The following MTMR9 variants were observed in gnomAD, a reference collection of about 807,000 sequenced individuals.
The protein encoded by MTMR9 is myotubularin-related protein 9.
A neutral mutation model predicts 69.5 loss-of-function variants in MTMR9; 39 were observed. The ratio of observed to expected loss-of-function variants is 0.56; its 90% CI spans 0.43 to 0.73. The LOEUF (loss-of-function observed/expected upper bound fraction) is 0.73, where lower values mean the gene tolerates loss of function less well. Ranked by LOEUF, MTMR9 falls within the 30% of genes least tolerant of loss-of-function variation. The pLI, the probability that MTMR9 is intolerant of heterozygous loss-of-function variation, is 0.00. For missense variants in MTMR9, 900 were observed against 671.2 expected, an observed-to-expected ratio of 1.34 and a Z score of -3.77; for synonymous variants, 354 against 240.8, an observed-to-expected ratio of 1.47 and a Z score of -4.35.
chr8:11,305,230 G>A (rs778761948), intron 4 of MTMR9, among the ~76,000 whole-genome samples: 11 of 152,244 alleles, frequency 7.2e-5, no homozygotes, highest in Non-Finnish European at 1.6e-4. Flanking sequence ...CTGCTCAGCC[G>A]TATAAAAGCC....
chr8:11,306,199 C>T lies in MTMR9; in HGVS notation c.601C>T (p.Arg201Ter), dbSNP rs1429114187. 1.9e-6 allele frequency: 3 copies of T among 1,612,568 alleles called. No individual in the cohort carries two copies. Among genetic ancestry groups the T allele is most frequent in the Non-Finnish European group, 1.7e-6 (2 of 1,179,772 alleles). Residue 201 changes from arginine (R) to a stop codon, truncating the protein, a stop_gained, in exon 5 of 10, where the codon CGA becomes TGA. Coordinates refer to ENST00000221086, the MANE Select transcript of MTMR9 (RefSeq NM_015458.4). LOFTEE classifies it high-confidence loss of function. The stretch of plus-strand genomic sequence containing the variant: ...TTTATTATGCTTCTAGGTAATTATG[C>T]GAAGTGGTCAGCCACTCACTGGTAC... The part of the protein sequence containing the change: ...YHKKNGMVIM[R>*]SGQPLTGTNG...
At chr8:11,334,765 T>G in the MTMR9 span, among the ~76,000 whole-genome samples, 1 of 152,200 alleles carries the variant, frequency 6.6e-6, no homozygotes, top group African/African-American at 2.4e-5. Context: ...ATTTAAATGT[T>G]AAATGTTAAA....
intron 8 of MTMR9, 119 bp from the exon 9 acceptor site, chr8:11,319,568 C>A: frequency 1.1e-5 from 11 of 1,046,874 alleles, no homozygotes; most frequent in Admixed American, 2.5e-5. Context: ...TGTTTCTCTA[C>A]CAAAAGTCTT....
At chr8:11,301,210 A>G (rs1021485996) in intron 3 of MTMR9, among the ~76,000 whole-genome samples, 5 of 152,216 alleles carry the variant, frequency 3.3e-5, no homozygotes, top group Non-Finnish European at 7.3e-5. Flanking sequence ...TTAAATATAT[A>G]AGTTTATATG....
At chr8:11,337,701 C>G in the MTMR9 span, among the ~76,000 whole-genome samples, 1 of 152,256 alleles carries the variant, frequency 6.6e-6, no homozygotes, top group Admixed American at 6.5e-5. Flanking sequence ...CAAACTATTT[C>G]TCATGATCCT....
chr8:11,304,863 A>C lies in MTMR9; in HGVS notation c.440A>C (p.Tyr147Ser), dbSNP rs139991418. The stretch of plus-strand genomic sequence containing the variant: ...CAGACCAGTGAATGGAGGCTAAGCT[A>C]TGTCAATAAGGAATTTGCTGTCTGT... ...SSATSEWRLS[Y>S]VNKEFAVCPS... The change falls in exon 4 of 10, where the codon TAT (tyrosine) becomes TCT (serine). Residue 147 changes from tyrosine to serine, a missense_variant. Physicochemically the swap from Tyr to Ser is moderately radical, Grantham distance 144. Transcript: ENST00000221086. The C allele has an allele frequency of 2.5e-6, 4 of 1,614,016 alleles. No homozygotes were observed. Among genetic ancestry groups the C allele is most frequent in the African/African-American group, 1.3e-5 (1 of 75,020 alleles).
chr8:11,304,101 T>G (rs2060463), intron 3 of MTMR9, among the ~76,000 whole-genome samples: 55,162 of 151,780 alleles, frequency 0.36, 11,311 homozygotes, highest in East Asian at 0.71. Context: ...AAGCTGTTTT[T>G]AATTCTGATG....
intron 5 of MTMR9, 119 bp downstream of exon 5, chr8:11,306,526 G>T (rs1799947474): frequency 1.5e-5 from 13 of 840,534 alleles, no homozygotes; most frequent in Non-Finnish European, 2.4e-5. Context: ...TAGGGTCAAT[G>T]ATGGGCTAGC....
chr8:11,291,463 A>G (rs769994918), intron 1 of MTMR9, among the ~76,000 whole-genome samples: 2 of 152,164 alleles, frequency 1.3e-5, no homozygotes, highest in Non-Finnish European at 2.9e-5. Flanking sequence ...TAAGGACAAA[A>G]TGATAAAATA....
chr8:11,312,815 C>T (rs911873975), intron 6 of MTMR9, among the ~76,000 whole-genome samples: 10 of 152,200 alleles, frequency 6.6e-5, no homozygotes, highest in Admixed American at 1.3e-4. Context: ...ACTCTTTGAT[C>T]CATGGCCTGC....
intron 3 of MTMR9, 75 bp from the exon 4 acceptor site, chr8:11,304,766 G>A: frequency 6.8e-7 from 1 of 1,466,492 alleles, no homozygotes; most frequent in Non-Finnish European, 9.4e-7. Context: ...GACCTCTAAG[G>A]TCTTTTAAAA....
chr8:11,330,810 A>G (rs942045671), downstream of MTMR9: 10 of 478,504 alleles, frequency 2.1e-5, no homozygotes, highest in African/African-American at 2.0e-4. Context: ...GCCTAGGAAA[A>G]CCAGAGACCT....
At chr8:11,296,703 A>G (rs185855225) in intron 2 of MTMR9, among the ~76,000 whole-genome samples, 3 of 152,254 alleles carry the variant, frequency 2.0e-5, no homozygotes, top group Admixed American at 2.0e-4. Flanking sequence ...TCTGTGTTGT[A>G]AATTCTGACT....
At chr8:11,303,993 G>C (rs1251262894) in intron 3 of MTMR9, among the ~76,000 whole-genome samples, 2 of 151,680 alleles carry the variant, frequency 1.3e-5, no homozygotes, top group Non-Finnish European at 2.9e-5. Context: ...TCCTGCTATT[G>C]TAACCCATGG....
chr8:11,314,953 A>C lies in MTMR9; in HGVS notation c.1002A>C (p.Thr334=). 1 of 1,613,976 alleles carries C rather than the reference A, an allele frequency of 6.2e-7. No individual in the cohort carries two copies. The highest frequency in any genetic ancestry group is 8.5e-7 in the Non-Finnish European group (1 of 1,179,864). Residue 334 remains threonine (T), a synonymous_variant, in exon 7 of 10, where the codon ACA becomes ACC. Coordinates refer to ENST00000221086, the MANE Select transcript of MTMR9 (RefSeq NM_015458.4). ...REGASILIHG[T]EGTDSTLQVT... The stretch of plus-strand genomic sequence containing the variant: ...GAGCATCAATATTGATTCACGGAAC[A>C]GAAGGAACTGATTCCACACTCCAGG...
chr8:11,308,016 T>G (rs963275758), intron 5 of MTMR9, among the ~76,000 whole-genome samples: 1 of 152,240 alleles, frequency 6.6e-6, no homozygotes, highest in African/African-American at 2.4e-5. Context: ...CTCTGTTGAT[T>G]GTTTTGCTGT....
intron 9 of MTMR9, 98 bp from the exon 10 acceptor site, chr8:11,322,525 AAG>A: frequency 1.0e-6 from 1 of 985,166 alleles, no homozygotes; most frequent in Non-Finnish European, 1.5e-6. Context: ...CAAAAGAAAA[AAG>A]AATGTATAAT....
intron 2 of MTMR9, among the ~76,000 whole-genome samples, chr8:11,298,545 A>G (rs1299142374): frequency 2.0e-5 from 3 of 152,028 alleles, no homozygotes; most frequent in Non-Finnish European, 4.4e-5. Flanking sequence ...TGTCCGGTCT[A>G]CTATTGAATA....
intron 6 of MTMR9, among the ~76,000 whole-genome samples, chr8:11,310,211 ATGAAG>A (rs529397337): frequency 5.0e-4 from 76 of 152,342 alleles, no homozygotes; most frequent in Admixed American, 1.9e-3. Flanking sequence ...TGTTGAGTAT[ATGAAG>A]TGATTTTAGT....
Sources: allele counts gnomAD v4.1 joint callset (sites outside exome capture counted in the v4.1 genomes callset), GRCh38; gene constraint gnomAD v4.1.1; transcripts MANE v1.5; gene names NCBI Gene and HGNC (gene_info 2026-07-23, HGNC 2026-07-21).